Variants in SUCLG2 observed in about 807,000 individuals in gnomAD.
The protein encoded by SUCLG2 is succinate-CoA ligase GDP-forming subunit beta, also known as succinate--CoA ligase [GDP-forming] subunit beta, mitochondrial.
In SUCLG2, 42 loss-of-function variants were observed where a neutral mutation model predicts 47.9. The observed-to-expected ratio is 0.88, with a 90% CI of 0.69 to 1.14. The LOEUF (loss-of-function observed/expected upper bound fraction) is 1.14. SUCLG2 is among the 50% of genes most tolerant of loss of function. SUCLG2 has a pLI of 0.00. For synonymous variants in SUCLG2, 195 were observed against 197.3 expected, an observed-to-expected ratio of 0.99 and a Z score of 0.10; for missense variants, 571 against 525.9, an observed-to-expected ratio of 1.09 and a Z score of -0.84.
rs1706338385 is a variant in SUCLG2 at position 67,529,258 on chromosome 3, C to A, written c.227-72G>T. The A allele has an allele frequency of 7.0e-6, 8 of 1,142,482 alleles. No individual in the cohort carries two copies. The South Asian group carries it at 9.8e-5, about 14-fold the overall frequency. The allele number at this position is 1,142,482 out of a possible 1,614,324, so 70.8% of individuals were successfully genotyped here. On this transcript the variant is annotated intron_variant, in intron 2 of 10. Transcript: ENST00000307227. ...TTTGTTTTTTAAGCAATAAGGAAAG[C>A]AATAATGGCACATAACTTCCAAGTA...
intron 10 of SUCLG2, among the ~76,000 whole-genome samples, chr3:67,362,381 C>G (rs1483692873): frequency 2.0e-5 from 3 of 152,168 alleles, no homozygotes; most frequent in Non-Finnish European, 4.4e-5. Flanking sequence ...AAAGTAGCTT[C>G]CTTAGGCAAG....
At chr3:67,490,546 C>T (rs1705178649) in intron 9 of SUCLG2, among the ~76,000 whole-genome samples, 3 of 152,220 alleles carry the variant, frequency 2.0e-5, no homozygotes, top group Non-Finnish European at 4.4e-5. Context: ...GAGTCACTTA[C>T]ACCTTCCATC....
At chr3:67,491,325 C>T (rs1705198433) in intron 9 of SUCLG2, among the ~76,000 whole-genome samples, 1 of 149,180 alleles carries the variant, frequency 6.7e-6, no homozygotes, top group Non-Finnish European at 1.5e-5. Context: ...AGGAGGCTTC[C>T]AGGATCCCTG....
At chr3:67,624,649 T>C (rs946969514) in intron 1 of SUCLG2, among the ~76,000 whole-genome samples, 17 of 152,224 alleles carry the variant, frequency 1.1e-4, no homozygotes, top group African/African-American at 3.4e-4. Flanking sequence ...TCTCTTATAG[T>C]AATTTGAATT....
intron 10 of SUCLG2, among the ~76,000 whole-genome samples, chr3:67,394,998 G>GTCTT (rs1702487915): frequency 2.6e-5 from 4 of 152,032 alleles, no homozygotes; most frequent in Non-Finnish European, 4.4e-5. Flanking sequence ...CACCAGGCCT[G>GTCTT]CCCTAAAAGA....
At chr3:67,577,327 A>C (rs1443617682) in intron 2 of SUCLG2, among the ~76,000 whole-genome samples, 1 of 151,948 alleles carries the variant, frequency 6.6e-6, no homozygotes, top group Non-Finnish European at 1.5e-5. Flanking sequence ...AAAAAAGTTA[A>C]GTGCTTATAC....
chr3:67,568,450 G>A lies in SUCLG2; in HGVS notation c.227-39264C>T, dbSNP rs184895998. ...AAGAGATAAATGAGAGAGAAAACGT[G>A]AGAAAATGAATGTTTTCCATCCTGG... On this transcript the variant is annotated intron_variant, in intron 2 of 10. Transcript: ENST00000307227. Among the ~76,000 whole-genome samples, 227 of 152,300 alleles carry A rather than the reference G, an allele frequency of 1.5e-3. 2 individuals are homozygous for A. The highest frequency in any genetic ancestry group is 5.1e-3 in the African/African-American group (212 of 41,560).
At chr3:67,470,044 T>C (rs1300031815) in intron 9 of SUCLG2, among the ~76,000 whole-genome samples, 36 of 99,070 alleles carry the variant, frequency 3.6e-4, no homozygotes, top group Non-Finnish European at 5.3e-4. Context: ...AAACTCCATA[T>C]CAAAAAAAAA....
At chr3:67,652,879 C>CT (rs1226507227) in intron 1 of SUCLG2, among the ~76,000 whole-genome samples, 1 of 152,174 alleles carries the variant, frequency 6.6e-6, no homozygotes, top group African/African-American at 2.4e-5. Context: ...TTCTTGGACA[C>CT]TGTGTACCTT....
intron 1 of SUCLG2, among the ~76,000 whole-genome samples, chr3:67,645,923 G>A (rs1701182412): frequency 6.6e-6 from 1 of 151,254 alleles, no homozygotes; most frequent in Non-Finnish European, 1.5e-5. Context: ...AAAAAGCAAA[G>A]GATAAAAAAT....
At chr3:67,426,548 CA>C (rs1435687348) in intron 9 of SUCLG2, among the ~76,000 whole-genome samples, 2 of 152,146 alleles carry the variant, frequency 1.3e-5, no homozygotes, top group African/African-American at 4.8e-5. Context: ...TTACCATATT[CA>C]AGAAAATAAA....
At chr3:67,640,381 G>A (rs1205472166) in intron 1 of SUCLG2, among the ~76,000 whole-genome samples, 1 of 152,188 alleles carries the variant, frequency 6.6e-6, no homozygotes, top group African/African-American at 2.4e-5. Flanking sequence ...AGGAAACTGA[G>A]TCTCTTCCCT....
At chr3:67,404,096 G>C (rs1702750045) in intron 9 of SUCLG2, among the ~76,000 whole-genome samples, 2 of 152,122 alleles carry the variant, frequency 1.3e-5, no homozygotes, top group African/African-American at 4.8e-5. Flanking sequence ...ATGTTGGCCA[G>C]CTGTCTCGAA....
At chr3:67,428,573 T>C (rs372949593) in intron 9 of SUCLG2, among the ~76,000 whole-genome samples, 23 of 152,254 alleles carry the variant, frequency 1.5e-4, no homozygotes, top group African/African-American at 4.8e-4. Context: ...TCGCCAGCAA[T>C]GGAACAAAGC....
At chr3:67,421,587 C>G (rs1703158781) in intron 9 of SUCLG2, among the ~76,000 whole-genome samples, 1 of 152,178 alleles carries the variant, frequency 6.6e-6, no homozygotes, top group South Asian at 2.1e-4. Context: ...TAATAGAAGT[C>G]AATCACAGTG....
In SUCLG2 at chr3:67,518,355, A is replaced by G; in HGVS notation, c.571-19T>C. Reference sequence around the variant, plus strand: ...TTTGCTCCTAGTAAAAATAAATCAAATAAACAAAATTCAGACAGTCAACTG... The same window carrying G: ...TTTGCTCCTAGTAAAAATAAATCAAGTAAACAAAATTCAGACAGTCAACTG... On this transcript the variant is annotated intron_variant, in intron 5 of 10. Coordinates refer to ENST00000307227, the MANE Select transcript of SUCLG2 (RefSeq NM_003848.4). 1 of 1,597,770 alleles carries G rather than the reference A, an allele frequency of 6.3e-7. No homozygotes were observed. Among genetic ancestry groups the G allele is most frequent in the Non-Finnish European group, 8.6e-7 (1 of 1,169,290 alleles).
At chr3:67,575,991 T>C (rs1707733167) in intron 2 of SUCLG2, among the ~76,000 whole-genome samples, 1 of 152,166 alleles carries the variant, frequency 6.6e-6, no homozygotes, top group Non-Finnish European at 1.5e-5. Context: ...GAAATATAGG[T>C]ACCTCCATGC....
At chr3:67,542,254 A>T (rs548892829) in intron 2 of SUCLG2, among the ~76,000 whole-genome samples, 7 of 152,326 alleles carry the variant, frequency 4.6e-5, no homozygotes, top group Non-Finnish European at 8.8e-5. Flanking sequence ...AAGGAGAAAT[A>T]AAATCCTTTA....
chr3:67,636,831 T>C (rs901356996), intron 1 of SUCLG2, among the ~76,000 whole-genome samples: 4 of 151,164 alleles, frequency 2.6e-5, no homozygotes, highest in Admixed American at 2.6e-4. Context: ...AATCAGCTGA[T>C]AATGTAACTT....
Sources: gnomAD v4.1 joint callset for allele counts (sites outside exome capture counted in the v4.1 genomes callset) on GRCh38, gnomAD v4.1.1 for gene constraint, MANE v1.5 for transcripts, NCBI Gene and HGNC (gene_info 2026-07-23, HGNC 2026-07-21) for gene names.